Variants in TRPT1 observed in about 807,000 individuals in gnomAD.
TRPT1 encodes the protein tRNA 2'-phosphotransferase 1.
Under a neutral mutation model 28.4 loss-of-function variants are expected in TRPT1, and 22 were observed. The observed-to-expected ratio is 0.78, with a 90% CI of 0.55 to 1.11. TRPT1 has a LOEUF of 1.11. Ranked by LOEUF, TRPT1 falls within the 50% of genes least tolerant of loss-of-function variation. The pLI, the probability that TRPT1 is intolerant of heterozygous loss-of-function variation, is 0.00. For missense variants in TRPT1, 308 were observed against 317.7 expected (o/e 0.97, Z 0.23); for synonymous variants, 137 against 132.4 (o/e 1.03, Z -0.24).
chr11:64,225,605 T>C, intron 2 of TRPT1, 25 bp from the exon 3 acceptor site: 5 of 1,596,750 alleles, frequency 3.1e-6, no homozygotes, highest in Non-Finnish European at 4.3e-6. Context: ...CGGTGGCCCC[T>C]AGTCTCCATG....
In TRPT1 at chr11:64,226,149, G is replaced by A; in HGVS notation, c.-109C>T. ...GTGGTCCGGGAGGCAGGGCCGACGT[G>A]CCGACGGACCGGGCGGAAGCGTCGG... On this transcript the variant is annotated 5_prime_UTR_variant, in exon 1 of 8. Coordinates refer to ENST00000317459, the MANE Select transcript of TRPT1 (RefSeq NM_001033678.4). 2.3e-6 allele frequency: 1 copy of A among 442,402 alleles called. No individual in the cohort carries two copies. Among genetic ancestry groups the A allele is most frequent in the East Asian group, 3.9e-5 (1 of 25,768 alleles). 27.4% of individuals were successfully genotyped at this position (442,402 alleles called of 1,614,324 possible). A position where few individuals can be genotyped will look rare whatever the true frequency, so the allele number is the denominator to read the frequency against.
intron 2 of TRPT1, 101 bp from the exon 3 acceptor site, chr11:64,225,681 AG>A: frequency 7.1e-7 from 1 of 1,400,252 alleles, no homozygotes; most frequent in South Asian, 1.2e-5. Flanking sequence ...CCAGAGAGAA[AG>A]GAGTGCCAGT....
At position 64,225,635 on chromosome 11, in the gene TRPT1, C is replaced by A; in HGVS notation, c.76-55G>T. On this transcript the variant is annotated intron_variant, in intron 2 of 7. Transcript: ENST00000317459. ...TCCATGGTGACCCTGCCCTACTGCC[C>A]ATCCTGAACCCTCAATGACCCACTG... 4 of 1,535,152 alleles carry A rather than the reference C, an allele frequency of 2.6e-6. No individual in the cohort carries two copies. In the Admixed American group the frequency reaches 5.7e-5, roughly 22 times the overall value.
At position 64,225,852 on chromosome 11, in the gene TRPT1, G is replaced by A. The variant is rs12788168; in HGVS notation, c.9C>T (p.Phe3=). ...CTGCTTCCTGCCTCCCTCCTCCAGA[G>A]AAGTTCATGGTTAAGACCTGTGGGG... MN[F]SGGGRQEAAG... Residue 3 remains phenylalanine, a synonymous_variant, in exon 2 of 8, where the codon TTC becomes TTT. Coordinates refer to ENST00000317459, the MANE Select transcript of TRPT1 (RefSeq NM_001033678.4). The A allele has an allele frequency of 1.5e-5, 24 of 1,554,924 alleles. No homozygotes were observed. In the East Asian group the frequency reaches 5.7e-4, roughly 37 times the overall value.
At chr11:64,225,432 G>T in intron 3 of TRPT1, 67 bp downstream of exon 3, 1 of 1,370,700 alleles carries the variant, frequency 7.3e-7, no homozygotes, top group Non-Finnish European at 1.0e-6. Flanking sequence ...AGCCATCAGG[G>T]AGGAGTCGCA....
rs1946999851 is a variant in TRPT1, at chr11:64,226,074, G to A, written c.-34C>T. 2 of 551,890 alleles carry A rather than the reference G, an allele frequency of 3.6e-6. No homozygotes were observed. The highest frequency in any genetic ancestry group is 3.5e-5 in the Admixed American group (1 of 28,576). 34.2% of individuals were successfully genotyped at this position (551,890 alleles called of 1,614,324 possible). A position where few individuals can be genotyped will look rare whatever the true frequency, so the allele number is the denominator to read the frequency against. On this transcript the variant is annotated 5_prime_UTR_variant, in exon 1 of 8. Transcript: ENST00000317459. ...CCCAAGGTCACACGGTCAGCCAGGA[G>A]CGCAGGGAGGCCGAGCCCCGCACCC...
chr11:64,224,163 C>G lies in TRPT1; in HGVS notation c.607G>C (p.Gly203Arg). The G allele has an allele frequency of 6.2e-7, 1 of 1,607,596 alleles. No homozygotes were observed. Among genetic ancestry groups the G allele is most frequent in the Non-Finnish European group, 8.5e-7 (1 of 1,175,682 alleles). ...RSANGVILTP[G>R]NTDGFLLPKY... is the part of the protein sequence containing the mutation. Reference sequence around the variant, plus strand: ...GGAAGGAGGAAGCCATCAGTATTCCCTGGAGTCAGAATCACCCCATTGGCA... The same window carrying G: ...GGAAGGAGGAAGCCATCAGTATTCCGTGGAGTCAGAATCACCCCATTGGCA... The change falls in exon 7 of 8, where the codon GGG (glycine) becomes CGG (arginine). Residue 203 changes from glycine (G) to arginine (R), a missense_variant. Physicochemically the swap from Gly to Arg is moderately radical, Grantham distance 125 (BLOSUM62 -2). Coordinates refer to ENST00000317459, the MANE Select transcript of TRPT1 (RefSeq NM_001033678.4).
At position 64,225,508 on chromosome 11, in the gene TRPT1, T is replaced by C. The variant is rs779339540; in HGVS notation, c.148A>G (p.Met50Val). The C allele has an allele frequency of 1.2e-5, 19 of 1,612,732 alleles. No homozygotes were observed. The highest frequency in any genetic ancestry group is 1.6e-5 in the Non-Finnish European group (19 of 1,179,588). The change falls in exon 3 of 8, where the codon ATG becomes GTG. Residue 50 changes from methionine (M) to valine (V), a missense_variant. Physicochemically the swap from Met to Val is conservative, Grantham distance 21. Coordinates refer to ENST00000317459, the MANE Select transcript of TRPT1 (RefSeq NM_001033678.4). Reference protein sequence around the residue: ...RHGALKLGLPMGADGFVPLGT... With the variant: ...RHGALKLGLPVGADGFVPLGT... Reference sequence around the variant, plus strand: ...CAAGGCCCCTACTTACCAGCTCCCATGGGAAGCCCCAGCTTCAAGGCCCCA... The same window carrying C: ...CAAGGCCCCTACTTACCAGCTCCCACGGGAAGCCCCAGCTTCAAGGCCCCA...
rs760148425 is a variant in TRPT1 at position 64,224,851 on chromosome 11, C to A, written c.277G>T (p.Asp93Tyr). The A allele has an allele frequency of 2.5e-6, 4 of 1,613,312 alleles. No homozygotes were observed. Among genetic ancestry groups the A allele is most frequent in the Non-Finnish European group, 3.4e-6 (4 of 1,179,930 alleles). Reference protein sequence around the residue: ...RKQRFALQLGDPSTGLLIRAN... With the variant: ...RKQRFALQLGYPSTGLLIRAN... Reference sequence around the variant, plus strand: ...CGGATGAGAAGGCCAGTGCTGGGATCCCCCAGCTGCAGGGCGAACCGCTGC... The same window carrying A: ...CGGATGAGAAGGCCAGTGCTGGGATACCCCAGCTGCAGGGCGAACCGCTGC... Residue 93 changes from aspartate (D) to tyrosine (Y), a missense_variant, in exon 4 of 8, where the codon GAT becomes TAT. Transcript: ENST00000317459.
At chr11:64,225,910 C>G (rs771786394) in intron 1 of TRPT1, 41 bp from the exon 2 acceptor site, 1 of 1,174,154 alleles carries the variant, frequency 8.5e-7, no homozygotes, top group Non-Finnish European at 1.2e-6. Flanking sequence ...TTTAAGGCCC[C>G]TTCCACGTCC....
At chr11:64,224,379 A>G in intron 5 of TRPT1, 38 bp from the exon 6 acceptor site, 2 of 1,612,650 alleles carry the variant, frequency 1.2e-6, no homozygotes, top group African/African-American at 2.7e-5. Flanking sequence ...GGGCACCTGG[A>G]GTGCAGTCAG....
chr11:64,224,457 G>C, intron 5 of TRPT1, 86 bp downstream of exon 5: 1 of 1,588,160 alleles, frequency 6.3e-7, no homozygotes, highest in Non-Finnish European at 8.6e-7. Context: ...GACATGGGGT[G>C]GCCCCAGACA....
At position 64,224,114 on chromosome 11, in the gene TRPT1, T is replaced by G; in HGVS notation, c.656A>C (p.Gln219Pro). Residue 219 changes from glutamine (Q) to proline (P), a missense_variant, in exon 7 of 8, where the codon CAG (glutamine) becomes CCG (proline). Gln to Pro is a moderately conservative substitution (Grantham distance 76, BLOSUM62 -1). Coordinates refer to ENST00000317459, the MANE Select transcript of TRPT1 (RefSeq NM_001033678.4). ...LLPKYFKEAL[Q>P]LRPTRKPLSL... Reference sequence around the variant, plus strand: ...GTGGTTCTCACGGGTAGGGCGTAGCTGCAGGGCCTCCTTGAAGTACTTGGG... The same window carrying G: ...GTGGTTCTCACGGGTAGGGCGTAGCGGCAGGGCCTCCTTGAAGTACTTGGG... 6.2e-7 allele frequency: 1 copy of G among 1,608,168 alleles called. No individual in the cohort carries two copies. Among genetic ancestry groups the G allele is most frequent in the Non-Finnish European group, 8.5e-7 (1 of 1,176,122 alleles).
chr11:64,224,557 G>A lies in TRPT1; in HGVS notation c.488C>T (p.Pro163Leu). The stretch of plus-strand genomic sequence containing the variant: ...AGGGCACTGACCACTGATGATACCG[G>A]GGTCTCCAGGCAGTCCTGGGGCCAG... ...IHLAPGLPGD[P>L]GIISGMRSHC... Residue 163 changes from proline to leucine, a missense_variant, in exon 5 of 8, where the codon CCC becomes CTC. Coordinates refer to ENST00000317459, the MANE Select transcript of TRPT1 (RefSeq NM_001033678.4). 6.4e-7 allele frequency: 1 copy of A among 1,568,904 alleles called. No homozygotes were observed. Among genetic ancestry groups the A allele is most frequent in the African/African-American group, 1.3e-5 (1 of 74,172 alleles).
chr11:64,226,156 G>C lies in TRPT1; in HGVS notation c.-116C>G. ...GGGAGGCAGGGCCGACGTGCCGACG[G>C]ACCGGGCGGAAGCGTCGGGGCGGCG... On this transcript the variant is annotated 5_prime_UTR_variant, in exon 1 of 8. Coordinates refer to ENST00000317459, the MANE Select transcript of TRPT1 (RefSeq NM_001033678.4). 2.3e-6 allele frequency: 1 copy of C among 435,930 alleles called. No individual in the cohort carries two copies. Among genetic ancestry groups the C allele is most frequent in the Non-Finnish European group, 4.0e-6 (1 of 247,280 alleles). 27.0% of individuals were successfully genotyped at this position (435,930 alleles called of 1,614,324 possible).
chr11:64,225,393 C>G, intron 3 of TRPT1, 106 bp downstream of exon 3: 1 of 907,422 alleles, frequency 1.1e-6, no homozygotes, highest in South Asian at 1.6e-5. Context: ...GAAGTGCACT[C>G]TGTGCCTTCC....
At position 64,225,811 on chromosome 11, in the gene TRPT1, C is replaced by T. The variant is rs747102297; in HGVS notation, c.50G>A (p.Arg17Lys). 1.3e-6 allele frequency: 2 copies of T among 1,554,558 alleles called. No individual in the cohort carries two copies. Among genetic ancestry groups the T allele is most frequent in the Non-Finnish European group, 1.7e-6 (2 of 1,148,516 alleles). ...CTGTTCTCGGGGTCTGGGAGCCCTTCTACCCCTGGACCCTGCTGCTTCCTG... is the reference window on the plus strand; with the variant it reads ...CTGTTCTCGGGGTCTGGGAGCCCTTTTACCCCTGGACCCTGCTGCTTCCTG... ...GRQEAAGSRG[R>K]RAPRPREQDR... The change falls in exon 2 of 8, where the codon AGA becomes AAA. Residue 17 changes from arginine to lysine, a missense_variant. Physicochemically the swap from Arg to Lys is conservative, Grantham distance 26. Coordinates refer to ENST00000317459, the MANE Select transcript of TRPT1 (RefSeq NM_001033678.4).
chr11:64,225,200 C>G (rs1186384731), intron 3 of TRPT1: 5 of 615,948 alleles, frequency 8.1e-6, no homozygotes, highest in South Asian at 2.0e-5. Flanking sequence ...AGCGCTGGCC[C>G]GGAGTGCACA....
intron 3 of TRPT1, chr11:64,225,212 T>A (rs940907915): frequency 1.5e-5 from 9 of 609,336 alleles, no homozygotes; most frequent in East Asian, 2.8e-5. Context: ...GAGTGCACAC[T>A]CACACCACCA....
Sources: gnomAD v4.1 joint callset for allele counts on GRCh38, gnomAD v4.1.1 for gene constraint, MANE v1.5 for transcripts, NCBI Gene and HGNC (gene_info 2026-07-23, HGNC 2026-07-21) for gene names.